Variants in MAP3K4 observed in about 807,000 individuals in gnomAD.
MAP3K4 encodes the protein mitogen-activated protein kinase kinase kinase 4, also known as MAP three kinase 1.
A neutral mutation model predicts 185.6 loss-of-function variants in MAP3K4; 67 were observed. That is an observed-to-expected ratio of 0.36 (90% confidence interval 0.30 to 0.44). The LOEUF is 0.44. MAP3K4 is among the 20% of genes least tolerant of loss of function. The pLI, the probability that MAP3K4 is intolerant of heterozygous loss-of-function variation, is 1.00. For synonymous variants in MAP3K4, 702 were observed against 710.4 expected, an observed-to-expected ratio of 0.99 and a Z score of 0.19; for missense variants, 1,551 against 1,995.1, an observed-to-expected ratio of 0.78 and a Z score of 4.24.
chr6:161,018,638 GGTA>G (rs1782225535), intron 1 of MAP3K4, among the ~76,000 whole-genome samples: 1 of 152,128 alleles, frequency 6.6e-6, no homozygotes, highest in Non-Finnish European at 1.5e-5. Context: ...GTAAAATCCA[GGTA>G]ACAACAACAG....
intron 1 of MAP3K4, among the ~76,000 whole-genome samples, chr6:161,029,612 C>A (rs754257470): frequency 6.6e-6 from 1 of 152,134 alleles, no homozygotes; most frequent in Admixed American, 6.5e-5. Flanking sequence ...TTATTAAACA[C>A]AAGTAAGACA....
rs147922973 is a variant in MAP3K4 at position 161,022,882 on chromosome 6, G to T, written c.153-11377G>T. Among the ~76,000 whole-genome samples the T allele has an allele frequency of 6.6e-6, 1 of 152,150 alleles. No individual in the cohort carries two copies. The highest frequency in any genetic ancestry group is 2.4e-5 in the African/African-American group (1 of 41,414). ...TGATATCGAGCATAGTACTTACCAA[G>T]CATGGTAAGTACTCCGTGCCTAACG... On this transcript the variant is annotated intron_variant, in intron 1 of 26. Coordinates refer to ENST00000392142, the MANE Select transcript of MAP3K4 (RefSeq NM_005922.4). The surrounding 1 kb of genome is among the most constrained non-coding windows in gnomAD (Gnocchi z 4.2).
In MAP3K4 at chr6:161,087,895, G is replaced by C. The variant is rs759229564; in HGVS notation, c.2764G>C (p.Ala922Pro). ...DSEDSWGTWE[A>P]QPVKVVPQVE... ...AGAGGACAGCTGGGGCACCTGGGAGGCACAGCCTGTCAAAGTCGTGCCTCA... is the reference window on the plus strand; with the variant it reads ...AGAGGACAGCTGGGGCACCTGGGAGCCACAGCCTGTCAAAGTCGTGCCTCA... The change falls in exon 10 of 27, where the codon GCA (alanine) becomes CCA (proline). Residue 922 changes from alanine to proline, a missense_variant. By Grantham distance (27) the Ala-to-Pro change is conservative. Around this residue, in one of 16 missense-constraint regions of MAP3K4, gnomAD observed 261 missense variants for 306.5 expected, o/e 0.85. Transcript: ENST00000392142. This position sits in a 1 kb window ranked among gnomAD's most constrained non-coding sequence, Gnocchi z 4.9. 1.2e-6 allele frequency: 2 copies of C among 1,614,082 alleles called. No individual in the cohort carries two copies. The highest frequency in any genetic ancestry group is 3.3e-5 in the Admixed American group (2 of 60,002).
chr6:161,015,816 T>A (rs1782076972), intron 1 of MAP3K4, among the ~76,000 whole-genome samples: 1 of 152,170 alleles, frequency 6.6e-6, no homozygotes, highest in Non-Finnish European at 1.5e-5. Context: ...ATCAGGGGTC[T>A]GCCTCCATGA....
At chr6:161,069,996 A>G (rs1263150578) in intron 3 of MAP3K4, among the ~76,000 whole-genome samples, 4 of 152,130 alleles carry the variant, frequency 2.6e-5, no homozygotes, top group African/African-American at 9.7e-5. Flanking sequence ...GGGGCGGACA[A>G]CGCAACACTA....
rs1454851402 is a variant in MAP3K4 at position 161,112,461 on chromosome 6, C to T, written c.4520-207C>T. 6.6e-6 allele frequency among the ~76,000 whole-genome samples: 1 copy of T among 152,136 alleles called. No individual in the cohort carries two copies. The highest frequency in any genetic ancestry group is 1.5e-5 in the Non-Finnish European group (1 of 68,032). Reference sequence around the variant, plus strand: ...AATACAATTAATTTGAAAATGTGTACATTCAAAAATAGTCTTTTAAAAGAG... The same window carrying T: ...AATACAATTAATTTGAAAATGTGTATATTCAAAAATAGTCTTTTAAAAGAG... On this transcript the variant is annotated intron_variant, in intron 24 of 26. Coordinates refer to ENST00000392142, the MANE Select transcript of MAP3K4 (RefSeq NM_005922.4). The surrounding 1 kb of genome is among the most constrained non-coding windows in gnomAD (Gnocchi z 5.1).
At chr6:161,011,437 A>G (rs910894394) in intron 1 of MAP3K4, among the ~76,000 whole-genome samples, 1 of 152,146 alleles carries the variant, frequency 6.6e-6, no homozygotes, top group African/African-American at 2.4e-5. Flanking sequence ...GCAGTCTCGT[A>G]TTGGTTGCCT....
In MAP3K4 at chr6:161,089,350, A is replaced by G. The variant is rs200924812; in HGVS notation, c.2852A>G (p.Gln951Arg). Residue 951 changes from glutamine to arginine, a missense_variant, in exon 11 of 27, where the codon CAG (glutamine) becomes CGG (arginine). Physicochemically the swap from Gln to Arg is conservative, Grantham distance 43 (BLOSUM62 1). This residue lies in a region of MAP3K4 where 261 missense variants were observed against 306.5 expected (regional missense o/e 0.85). Transcript: ENST00000392142. The stretch of plus-strand genomic sequence containing the variant: ...GATAATCTTTTACTAGTTGTCATGC[A>G]GTCTGCGCATCTCACAATTCAGAGA... ...QVDNLLLVVM[Q>R]SAHLTIQRKA... 32 of 1,614,124 alleles carry G rather than the reference A, an allele frequency of 2.0e-5. No homozygotes were observed. In the Middle Eastern group the frequency reaches 9.9e-4, roughly 50 times the overall value.
rs553728899 is a variant in MAP3K4 at position 161,110,051 on chromosome 6, A to C, written c.4396+137A>C. On this transcript the variant is annotated intron_variant, in intron 23 of 26. Coordinates refer to ENST00000392142, the MANE Select transcript of MAP3K4 (RefSeq NM_005922.4). The surrounding 1 kb of genome is among the most constrained non-coding windows in gnomAD (Gnocchi z 4.8). ...ATACCTTTCATTGAAATACGCCTCTATAAGGATCCTGTATTCAGAAACAAG... is the reference window on the plus strand; with the variant it reads ...ATACCTTTCATTGAAATACGCCTCTCTAAGGATCCTGTATTCAGAAACAAG... The C allele has an allele frequency of 1.5e-4, 134 of 884,960 alleles. 1 individual carries two copies. The South Asian group carries it at 2.1e-3, about 14-fold the overall frequency. 54.8% of individuals were successfully genotyped at this position (884,960 alleles called of 1,614,324 possible).
At chr6:161,069,458 GGGTT>G (rs944500565) in intron 3 of MAP3K4, among the ~76,000 whole-genome samples, 3 of 152,160 alleles carry the variant, frequency 2.0e-5, no homozygotes, top group African/African-American at 7.2e-5. Context: ...ACGTGTGTGA[GGGTT>G]GGTTGAGAGT....
Position 161,091,738 on chromosome 6 carries a change from G to A in MAP3K4, c.3135+198G>A, listed in dbSNP as rs1342486429. Among the ~76,000 whole-genome samples the A allele has an allele frequency of 6.6e-6, 1 of 152,066 alleles. No individual in the cohort carries two copies. The highest frequency in any genetic ancestry group is 2.4e-5 in the African/African-American group (1 of 41,398). On this transcript the variant is annotated intron_variant, in intron 12 of 26. Transcript: ENST00000392142. The surrounding 1 kb of genome is among the most constrained non-coding windows in gnomAD (Gnocchi z 5.5). ...GGTAATTGTCCAACTTTTATTTTGT[G>A]CTAACAGCCATCTACTTACATTTTA... is the stretch of plus-strand genomic sequence containing the variant.
chr6:161,042,139 G>A (rs1783496092), intron 2 of MAP3K4, among the ~76,000 whole-genome samples: 1 of 151,578 alleles, frequency 6.6e-6, no homozygotes, highest in Non-Finnish European at 1.5e-5. Flanking sequence ...ACAAAAATGA[G>A]CTGGCTAAGG....
chr6:160,993,056 T>C (rs1469523953), intron 1 of MAP3K4, among the ~76,000 whole-genome samples: 1 of 152,228 alleles, frequency 6.6e-6, no homozygotes, highest in Non-Finnish European at 1.5e-5. Context: ...TTTTTCCTGC[T>C]TAAAGAAAAT....
chr6:161,115,814 C>T lies in MAP3K4; in HGVS notation c.4806+512C>T, dbSNP rs991246865. 1.6e-4 allele frequency among the ~76,000 whole-genome samples: 25 copies of T among 152,024 alleles called. No homozygotes were observed. The highest frequency in any genetic ancestry group is 4.2e-4 in the South Asian group (2 of 4,812). On this transcript the variant is annotated intron_variant, in intron 26 of 26. Coordinates refer to ENST00000392142, the MANE Select transcript of MAP3K4 (RefSeq NM_005922.4). The surrounding 1 kb of genome is among the most constrained non-coding windows in gnomAD (Gnocchi z 6.0). ...AGAAACTTGGAAACGCTCACCCTTC[C>T]GGGAGAGTGGGATGGTCACAGAGCC...
chr6:161,086,321 C>A lies in MAP3K4; in HGVS notation c.2373-58C>A. Reference sequence around the variant, plus strand: ...GCTTCATCTTTATTGTTAAATCCCTCTTGCACCTCTGGAATATTCCCTAAT... The same window carrying A: ...GCTTCATCTTTATTGTTAAATCCCTATTGCACCTCTGGAATATTCCCTAAT... On this transcript the variant is annotated intron_variant, in intron 7 of 26. Transcript: ENST00000392142. The surrounding 1 kb of genome is among the most constrained non-coding windows in gnomAD (Gnocchi z 4.8). The A allele has an allele frequency of 1.0e-6, 1 of 987,336 alleles. No individual in the cohort carries two copies. The allele number at this position is 987,336 out of a possible 1,614,324, so 61.2% of individuals were successfully genotyped here.
intron 3 of MAP3K4, among the ~76,000 whole-genome samples, chr6:161,059,123 T>C (rs574563479): frequency 1.3e-4 from 19 of 147,890 alleles, no homozygotes; most frequent in Admixed American, 4.2e-4. Context: ...GCAAAAAATG[T>C]TATTTCATTG....
In MAP3K4 at chr6:161,053,217, G is replaced by A. The variant is rs535852548; in HGVS notation, c.1707+3238G>A. Among the ~76,000 whole-genome samples the A allele has an allele frequency of 1.6e-4, 25 of 152,136 alleles. No homozygotes were observed. Among genetic ancestry groups the A allele is most frequent in the Non-Finnish European group, 3.5e-4 (24 of 68,034 alleles). On this transcript the variant is annotated intron_variant, in intron 3 of 26. Coordinates refer to ENST00000392142, the MANE Select transcript of MAP3K4 (RefSeq NM_005922.4). This position sits in a 1 kb window ranked among gnomAD's most constrained non-coding sequence, Gnocchi z 4.2. ...TTCTCATGGCTGGAGCACGGGCAGG[G>A]TGAAGGTGCTCCATTCTTTTAAACA... is the stretch of plus-strand genomic sequence containing the variant.
chr6:161,030,677 G>C (rs1395033217), intron 1 of MAP3K4, among the ~76,000 whole-genome samples: 1 of 152,048 alleles, frequency 6.6e-6, no homozygotes, highest in Non-Finnish European at 1.5e-5. Context: ...AGCCTCCCCA[G>C]GTGCTGGGAT....
rs1044007437 is a variant in MAP3K4, at chr6:161,093,122, A to G, written c.3348+66A>G. The G allele has an allele frequency of 2.6e-5, 26 of 1,013,484 alleles. No homozygotes were observed. Among genetic ancestry groups the G allele is most frequent in the South Asian group, 2.5e-4 (18 of 71,418 alleles). 62.8% of individuals were successfully genotyped at this position (1,013,484 alleles called of 1,614,324 possible). A position where few individuals can be genotyped will look rare whatever the true frequency, so the allele number is the denominator to read the frequency against. On this transcript the variant is annotated intron_variant, in intron 14 of 26. Coordinates refer to ENST00000392142, the MANE Select transcript of MAP3K4 (RefSeq NM_005922.4). This position sits in a 1 kb window ranked among gnomAD's most constrained non-coding sequence, Gnocchi z 5.2. ...CAGTCACTCCTTATTTTCTGGTTGT[A>G]TATGTTTTATATGTAATAGTGGTTT...
Sources: gnomAD v4.1 joint callset for allele counts (sites outside exome capture counted in the v4.1 genomes callset) on GRCh38, gnomAD v4.1.1 for gene constraint, gnomAD v4.1.1 regional missense constraint, Gnocchi (gnomAD v3.1) non-coding constraint, MANE v1.5 for transcripts, NCBI Gene and HGNC (gene_info 2026-07-23, HGNC 2026-07-21) for gene names.